FNBP1L: variants seen among roughly 807,000 people sequenced by gnomAD.
The protein encoded by FNBP1L is formin-binding protein 1-like.
Under a neutral mutation model 91.2 loss-of-function variants are expected in FNBP1L, and 36 were observed. The ratio of observed to expected loss-of-function variants is 0.39; its 90% CI spans 0.30 to 0.52. The LOEUF (loss-of-function observed/expected upper bound fraction) is 0.52. FNBP1L is among the 20% of genes least tolerant of loss of function. The pLI is 0.66. For missense variants in FNBP1L, 571 were observed against 732.1 expected (o/e 0.78, Z 2.54); for synonymous variants, 242 against 237.0 (o/e 1.02, Z -0.19).
At chr1:93,521,123 C>T (rs1415310216) in intron 2 of FNBP1L, among the ~76,000 whole-genome samples, 4 of 152,146 alleles carry the variant, frequency 2.6e-5, no homozygotes, top group Non-Finnish European at 5.9e-5. Flanking sequence ...GTAGTCCATT[C>T]TGGCTCCAAA....
At chr1:93,537,471 A>G (rs1671886158) in intron 10 of FNBP1L, among the ~76,000 whole-genome samples, 1 of 151,926 alleles carries the variant, frequency 6.6e-6, no homozygotes, top group Non-Finnish European at 1.5e-5. Flanking sequence ...CTATAGAACA[A>G]GATATATTAG....
chr1:93,547,094 A>G (rs776739805), intron 13 of FNBP1L, 120 bp downstream of exon 13: 3 of 1,215,352 alleles, frequency 2.5e-6, no homozygotes, highest in East Asian at 2.6e-5. Context: ...TTTATGATCT[A>G]AAAGTATTAT....
chr1:93,474,685 A>G (rs146037067), intron 1 of FNBP1L, among the ~76,000 whole-genome samples: 28 of 152,298 alleles, frequency 1.8e-4, no homozygotes, highest in Non-Finnish European at 3.2e-4. Flanking sequence ...ATCATTTCTT[A>G]GAGTTAGAGA....
At chr1:93,508,214 G>A (rs1439614175) in intron 2 of FNBP1L, among the ~76,000 whole-genome samples, 2 of 151,972 alleles carry the variant, frequency 1.3e-5, no homozygotes, top group South Asian at 4.2e-4. Context: ...GCCAGGCACG[G>A]TGACATGTGC....
chr1:93,451,693 C>T (rs1220467011), intron 1 of FNBP1L, among the ~76,000 whole-genome samples: 1 of 152,034 alleles, frequency 6.6e-6, no homozygotes, highest in African/African-American at 2.4e-5. Context: ...CTTCTGTTGC[C>T]TAGCCTGGAG....
chr1:93,492,037 C>T (rs1670108895), intron 1 of FNBP1L, among the ~76,000 whole-genome samples: 1 of 152,188 alleles, frequency 6.6e-6, no homozygotes, highest in Non-Finnish European at 1.5e-5. Context: ...GTGACCAACT[C>T]TCAAAATACC....
At chr1:93,537,409 T>C (rs1163415854) in intron 10 of FNBP1L, among the ~76,000 whole-genome samples, 3 of 152,062 alleles carry the variant, frequency 2.0e-5, no homozygotes, top group Non-Finnish European at 4.4e-5. Context: ...TTCTTACCCC[T>C]CCTTCCCTTC....
chr1:93,475,166 T>C lies in FNBP1L; in HGVS notation c.25-24302T>C, dbSNP rs1669446348. On this transcript the variant is annotated intron_variant, in intron 1 of 16. Transcript: ENST00000271234. ...ACATGCAAAATATATAGAGCTGCAG[T>C]TTGCAATGAAAGAAGTAAAATATAC... Among the ~76,000 whole-genome samples the C allele has an allele frequency of 2.0e-5, 3 of 152,114 alleles. No homozygotes were observed. The East Asian group carries it at 5.8e-4, about 29-fold the overall frequency.
intron 2 of FNBP1L, among the ~76,000 whole-genome samples, chr1:93,518,798 C>A (rs189078454): frequency 5.3e-5 from 8 of 152,260 alleles, no homozygotes; most frequent in African/African-American, 1.9e-4. Context: ...GCAACCATAA[C>A]CACAATTGAA....
In FNBP1L at chr1:93,552,545, G is replaced by C; in HGVS notation, c.*129G>C. On this transcript the variant is annotated 3_prime_UTR_variant, in exon 17 of 17. Coordinates refer to ENST00000271234, the MANE Select transcript of FNBP1L (RefSeq NM_001164473.3). The stretch of plus-strand genomic sequence containing the variant: ...AAGTTGCATGAGTGCATGCAGACAT[G>C]ATTTTTTTTTTACTAACTTCATTAG... 2.2e-6 allele frequency: 2 copies of C among 916,052 alleles called. No homozygotes were observed. The highest frequency in any genetic ancestry group is 3.2e-6 in the Non-Finnish European group (2 of 633,844). The allele number at this position is 916,052 out of a possible 1,614,324, so 56.7% of individuals were successfully genotyped here. A position where few individuals can be genotyped will look rare whatever the true frequency, so the allele number is the denominator to read the frequency against.
intron 7 of FNBP1L, among the ~76,000 whole-genome samples, chr1:93,532,636 G>A (rs1671720458): frequency 6.6e-6 from 1 of 152,056 alleles, no homozygotes; most frequent in Non-Finnish European, 1.5e-5. Flanking sequence ...ATGGGGCAGG[G>A]AGCTGATAGC....
At position 93,551,105 on chromosome 1, in the gene FNBP1L, G is replaced by A. The variant is rs1251430070; in HGVS notation, c.1810G>A (p.Gly604Ser). ...TGTAACTCTAGAGAAAAACAGTAAA[G>A]GTGCAGTAACTTATATCTAAACTAA... Reference protein sequence around the residue: ...IDVTLEKNSKGS With the variant: ...IDVTLEKNSKSS The change falls in exon 16 of 17, where the codon GGT becomes AGT. Residue 604 changes from glycine to serine, a missense_variant and splice_region_variant. By Grantham distance (56) the Gly-to-Ser change is moderately conservative. Coordinates refer to ENST00000271234, the MANE Select transcript of FNBP1L (RefSeq NM_001164473.3). 3.1e-6 allele frequency: 5 copies of A among 1,603,370 alleles called. No individual in the cohort carries two copies. Among genetic ancestry groups the A allele is most frequent in the Middle Eastern group, 1.7e-4 (1 of 5,982 alleles).
intron 14 of FNBP1L, 99 bp downstream of exon 14, chr1:93,547,540 A>C: frequency 2.0e-6 from 2 of 1,017,480 alleles, no homozygotes; most frequent in Non-Finnish European, 2.9e-6. Context: ...CAAATTTAAC[A>C]AGTTAAGCTT....
chr1:93,517,360 C>G (rs994037796), intron 2 of FNBP1L, among the ~76,000 whole-genome samples: 3 of 152,012 alleles, frequency 2.0e-5, no homozygotes, highest in Non-Finnish European at 4.4e-5. Flanking sequence ...GGGTCTCACT[C>G]TCTTTCCCAG....
intron 1 of FNBP1L, among the ~76,000 whole-genome samples, chr1:93,495,003 A>G (rs1469345295): frequency 1.4e-5 from 2 of 147,478 alleles, no homozygotes; most frequent in East Asian, 1.9e-4. Context: ...AGTCCATCCC[A>G]TGACATGTGG....
chr1:93,522,781 C>T (rs190605195), intron 3 of FNBP1L, among the ~76,000 whole-genome samples: 1 of 152,150 alleles, frequency 6.6e-6, no homozygotes, highest in Non-Finnish European at 1.5e-5. Flanking sequence ...TACATTAATA[C>T]AGTGATTCTC....
At chr1:93,458,236 T>C (rs1046639867) in intron 1 of FNBP1L, among the ~76,000 whole-genome samples, 1 of 152,242 alleles carries the variant, frequency 6.6e-6, no homozygotes, top group Non-Finnish European at 1.5e-5. Flanking sequence ...TTAGTTCTTT[T>C]TATAGATCAA....
At chr1:93,470,737 A>G (rs1044409178) in intron 1 of FNBP1L, among the ~76,000 whole-genome samples, 3 of 151,952 alleles carry the variant, frequency 2.0e-5, no homozygotes, top group Non-Finnish European at 1.5e-5. Flanking sequence ...GCCAGGCGTC[A>G]TGGTGCATGC....
intron 1 of FNBP1L, among the ~76,000 whole-genome samples, chr1:93,480,778 G>A (rs1669675357): frequency 6.6e-6 from 1 of 152,000 alleles, no homozygotes; most frequent in South Asian, 2.1e-4. Flanking sequence ...TAGCCAGGAT[G>A]GTTTCAATCT....
Sources: gnomAD v4.1 joint callset for allele counts (sites outside exome capture counted in the v4.1 genomes callset) on GRCh38, gnomAD v4.1.1 for gene constraint, MANE v1.5 for transcripts, NCBI Gene and HGNC (gene_info 2026-07-23, HGNC 2026-07-21) for gene names.